Variants in SOCS7 observed in about 807,000 individuals in gnomAD.
SOCS7 encodes the protein NAP-4.
SOCS7 carries 18 observed loss-of-function variants against 58.9 expected under a neutral mutation model. The ratio of observed to expected loss-of-function variants is 0.31; its 90% CI spans 0.21 to 0.45. SOCS7 has a LOEUF of 0.45. Ranked by LOEUF, SOCS7 falls within the 20% of genes least tolerant of loss-of-function variation. SOCS7 has a pLI of 1.00. For missense variants in SOCS7, 667 were observed against 837.3 expected (o/e 0.80, Z 2.51); for synonymous variants, 388 against 364.3 (o/e 1.06, Z -0.74).
At chr17:38,382,438 A>C (rs1291934904) in intron 7 of SOCS7, among the ~76,000 whole-genome samples, 1 of 76,542 alleles carries the variant, frequency 1.3e-5, no homozygotes, top group Non-Finnish European at 2.5e-5. Flanking sequence ...ACCCTATCTC[A>C]AAAAAAAAAA....
At position 38,379,170 on chromosome 17, in the gene SOCS7, CAAAA is replaced by C. The variant is rs908559373; in HGVS notation, c.1681+1334_1681+1337del. Among the ~76,000 whole-genome samples the C allele has an allele frequency of 6.2e-3, 689 of 110,652 alleles. 6 individuals are homozygous for C. Among genetic ancestry groups the C allele is most frequent in the African/African-American group, 0.022 (649 of 29,184 alleles). The allele number at this position is 110,652 out of a possible 152,430, so 72.6% of individuals were successfully genotyped here. ...GAGACCCTGTCTCAAAAAAAAAAAA[CAAAA>C]AAAAACAAAAAAAAAAAAACAAGGC... On this transcript the variant is annotated intron_variant, in intron 7 of 9. Transcript: ENST00000612932.
chr17:38,353,457 ACT>A (rs2144303759), intron 1 of SOCS7, among the ~76,000 whole-genome samples: 1 of 152,244 alleles, frequency 6.6e-6, no homozygotes, highest in Non-Finnish European at 1.5e-5. Flanking sequence ...CTCCCTTCAC[ACT>A]CATGCATGCA....
chr17:38,355,591 A>C (rs587671918), intron 1 of SOCS7, among the ~76,000 whole-genome samples: 1 of 152,236 alleles, frequency 6.6e-6, no homozygotes, highest in South Asian at 2.1e-4. Context: ...AATGGTGAGA[A>C]ATTTCAGTCT....
At chr17:38,365,531 T>G in intron 4 of SOCS7, 122 bp downstream of exon 4, 1 of 623,618 alleles carries the variant, frequency 1.6e-6, no homozygotes, top group South Asian at 3.2e-5. Context: ...TTTAAATCTT[T>G]TCCCCTTGGC....
chr17:38,352,140 GC>G lies in SOCS7; in HGVS notation c.89del (p.Ala30GlyfsTer35). On this transcript the variant is annotated frameshift_variant, in exon 1 of 10. Transcript: ENST00000612932. LOFTEE classifies it high-confidence loss of function. The surrounding 1 kb of genome is among the most constrained non-coding windows in gnomAD (Gnocchi z 5.5). Reference sequence around the variant, plus strand: ...GAGCCGCCTCCTTGGCTATGGAGAGGCGGCCCCCGAGCCAGGCCCTCCGCCA... The same window carrying G: ...GAGCCGCCTCCTTGGCTATGGAGAGGGGCCCCCGAGCCAGGCCCTCCGCCA... ...VLSRLLGYGE[A>X]APEPGPPPPP... 9.0e-7 allele frequency: 1 copy of G among 1,112,068 alleles called. No individual in the cohort carries two copies. The highest frequency in any genetic ancestry group is 1.1e-6 in the Non-Finnish European group (1 of 880,508). 68.9% of individuals were successfully genotyped at this position (1,112,068 alleles called of 1,614,324 possible).
In SOCS7 at chr17:38,352,263, G is replaced by A; in HGVS notation, c.211G>A (p.Gly71Ser). The change falls in exon 1 of 10, where the codon GGT becomes AGT. Residue 71 changes from glycine to serine, a missense_variant. Gly to Ser is a moderately conservative substitution (Grantham distance 56). Around this residue, in one of 9 missense-constraint regions of SOCS7, gnomAD observed 154 missense variants for 156.3 expected, o/e 0.98. Transcript: ENST00000612932. This position sits in a 1 kb window ranked among gnomAD's most constrained non-coding sequence, Gnocchi z 5.5. ...PPQLMVFRNV[G>S]RPPEEEDVEA... ...GCAGCTGATGGTGTTCCGCAACGTG[G>A]GTCGGCCGCCGGAGGAGGAGGACGT... 4 of 1,475,022 alleles carry A rather than the reference G, an allele frequency of 2.7e-6. No homozygotes were observed. The highest frequency in any genetic ancestry group is 3.6e-6 in the Non-Finnish European group (4 of 1,122,574). The allele number at this position is 1,475,022 out of a possible 1,614,324, so 91.4% of individuals were successfully genotyped here.
rs2038369555 is a variant in SOCS7 at position 38,404,823 on chromosome 17, TGTCCAAG to T, written c.*5343_*5349del. 3.9e-5 allele frequency: 6 copies of T among 152,260 alleles called. No homozygotes were observed. Among genetic ancestry groups the T allele is most frequent in the African/African-American group, 7.2e-5 (3 of 41,472 alleles). 9.4% of individuals were successfully genotyped at this position (152,260 alleles called of 1,614,324 possible). Reference sequence around the variant, plus strand: ...GTCCCTCACTCTTAGGCCCAGAACCTGTCCAAGGGACAGGTAGGGTCCAGGTGCCACT... The same window carrying T: ...GTCCCTCACTCTTAGGCCCAGAACCTGGACAGGTAGGGTCCAGGTGCCACT... On this transcript the variant is annotated 3_prime_UTR_variant, in exon 10 of 10. Transcript: ENST00000612932.
intron 5 of SOCS7, 25 bp from the exon 6 acceptor site, chr17:38,367,857 G>A (rs587737643): frequency 2.1e-5 from 33 of 1,608,954 alleles, no homozygotes; most frequent in Non-Finnish European, 2.8e-5. Flanking sequence ...CTGATAACTA[G>A]TGGACTGCTT....
rs1026095688 is a variant in SOCS7, at chr17:38,352,049, C to A, written c.-4C>A. Among the ~76,000 whole-genome samples, 3 of 151,280 alleles carry A rather than the reference C, an allele frequency of 2.0e-5. No individual in the cohort carries two copies. The highest frequency in any genetic ancestry group is 7.3e-5 in the African/African-American group (3 of 41,342). On this transcript the variant is annotated 5_prime_UTR_variant, in exon 1 of 10. Coordinates refer to ENST00000612932, the MANE Select transcript of SOCS7 (RefSeq NM_014598.4). The surrounding 1 kb of genome is among the most constrained non-coding windows in gnomAD (Gnocchi z 5.5). ...CAGCCGCCCGCCCTCCCTCCCTCTCCCCGATGCAGGAGGCCGAGCTCCGGG... is the reference window on the plus strand; with the variant it reads ...CAGCCGCCCGCCCTCCCTCCCTCTCACCGATGCAGGAGGCCGAGCTCCGGG...
At position 38,353,005 on chromosome 17, in the gene SOCS7, C is replaced by T. The variant is rs1314962840; in HGVS notation, c.953C>T (p.Ser318Phe). ...SAASLTDMGG[S>F]AGRELDAGRK... ...GCGAGCCTGACAGACATGGGAGGCT[C>T]TGCGGGCCGGGAGCTGGACGCGGGG... The change falls in exon 1 of 10, where the codon TCT becomes TTT. Residue 318 changes from serine to phenylalanine, a missense_variant. Coordinates refer to ENST00000612932, the MANE Select transcript of SOCS7 (RefSeq NM_014598.4). 1 of 1,596,830 alleles carries T rather than the reference C, an allele frequency of 6.3e-7. No homozygotes were observed. Among genetic ancestry groups the T allele is most frequent in the East Asian group, 2.2e-5 (1 of 44,470 alleles).
chr17:38,372,766 T>G (rs2037883893), intron 6 of SOCS7, among the ~76,000 whole-genome samples: 2 of 152,152 alleles, frequency 1.3e-5, no homozygotes, highest in South Asian at 4.1e-4. Flanking sequence ...CAGCTGTGGT[T>G]GTTCACCATT....
chr17:38,381,946 CAAAAAAAAAAAAAAAAA>C (rs55949628), intron 7 of SOCS7, among the ~76,000 whole-genome samples: 1 of 17,670 alleles, frequency 5.7e-5, no homozygotes, highest in African/African-American at 2.0e-4. Flanking sequence ...GACTCTGTCT[CAAAAAAAAAAAAAAAAA>C]AAAAAAAAAA....
In SOCS7 at chr17:38,403,479, G is replaced by A. The variant is rs2038349797; in HGVS notation, c.*3997G>A. The A allele has an allele frequency of 6.6e-6, 1 of 152,280 alleles. No homozygotes were observed. The highest frequency in any genetic ancestry group is 6.5e-5 in the Admixed American group (1 of 15,270). 9.4% of individuals were successfully genotyped at this position (152,280 alleles called of 1,614,324 possible). Reference sequence around the variant, plus strand: ...GGGCGAGGAGGAGCTTTTTCCTTCAGTTAGATCTTTCCCTTCCCTGCTGCC... The same window carrying A: ...GGGCGAGGAGGAGCTTTTTCCTTCAATTAGATCTTTCCCTTCCCTGCTGCC... On this transcript the variant is annotated 3_prime_UTR_variant, in exon 10 of 10. Transcript: ENST00000612932.
chr17:38,363,430 G>T (rs1362172590), intron 2 of SOCS7, among the ~76,000 whole-genome samples: 1 of 152,142 alleles, frequency 6.6e-6, no homozygotes, highest in Non-Finnish European at 1.5e-5. Flanking sequence ...CGACCTCCTA[G>T]GCCCAAACGA....
chr17:38,363,648 T>G (rs1419884020), intron 2 of SOCS7, among the ~76,000 whole-genome samples: 1 of 152,192 alleles, frequency 6.6e-6, no homozygotes, highest in East Asian at 1.9e-4. Flanking sequence ...CTGATGACTT[T>G]TAGAAGAGCT....
intron 7 of SOCS7, among the ~76,000 whole-genome samples, chr17:38,389,751 C>T: frequency 7.1e-6 from 1 of 141,162 alleles, no homozygotes; most frequent in Non-Finnish European, 1.5e-5. Context: ...GGTGATGGAG[C>T]TTAATGCCTA....
In SOCS7 at chr17:38,388,897, T is replaced by G. The variant is rs766637992; in HGVS notation, c.1682-6412T>G. Among the ~76,000 whole-genome samples, 7 of 152,246 alleles carry G rather than the reference T, an allele frequency of 4.6e-5. No individual in the cohort carries two copies. The East Asian group carries it at 1.3e-3, about 29-fold the overall frequency. Reference sequence around the variant, plus strand: ...CATTTTGTTTCTCCATTCTTTAGGTTGTTTCCAGTTTTTGGCTATTATGAA... The same window carrying G: ...CATTTTGTTTCTCCATTCTTTAGGTGGTTTCCAGTTTTTGGCTATTATGAA... On this transcript the variant is annotated intron_variant, in intron 7 of 9. Transcript: ENST00000612932.
Position 38,404,759 on chromosome 17 carries a change from T to A in SOCS7, c.*5277T>A, listed in dbSNP as rs1328958927. The A allele has an allele frequency of 6.6e-6, 1 of 152,336 alleles. No individual in the cohort carries two copies. The highest frequency in any genetic ancestry group is 1.9e-4 in the East Asian group (1 of 5,198). 9.4% of individuals were successfully genotyped at this position (152,336 alleles called of 1,614,324 possible). A position where few individuals can be genotyped will look rare whatever the true frequency, so the allele number is the denominator to read the frequency against. On this transcript the variant is annotated 3_prime_UTR_variant, in exon 10 of 10. Coordinates refer to ENST00000612932, the MANE Select transcript of SOCS7 (RefSeq NM_014598.4). Reference sequence around the variant, plus strand: ...GCTCAGGTGGAGCAGAAGCCTGCTCTCACTCCTCCATCTCTGGTGCTCCCT... The same window carrying A: ...GCTCAGGTGGAGCAGAAGCCTGCTCACACTCCTCCATCTCTGGTGCTCCCT...
chr17:38,364,171 G>A (rs1455605338), intron 2 of SOCS7, among the ~76,000 whole-genome samples: 2 of 152,200 alleles, frequency 1.3e-5, no homozygotes, highest in African/African-American at 2.4e-5. Flanking sequence ...TTCAGCCTTT[G>A]TAGCCTCAGC....
Sources: allele counts gnomAD v4.1 joint callset (sites outside exome capture counted in the v4.1 genomes callset), GRCh38; gene constraint gnomAD v4.1.1; regional missense constraint gnomAD v4.1.1; non-coding constraint Gnocchi (gnomAD v3.1); transcripts MANE v1.5; gene names NCBI Gene and HGNC (gene_info 2026-07-23, HGNC 2026-07-21).